ERC2: variants seen among roughly 807,000 people sequenced by gnomAD.
ERC2 encodes the protein ERC protein 2.
A neutral mutation model predicts 114.8 loss-of-function variants in ERC2; 42 were observed. The ratio of observed to expected loss-of-function variants is 0.37; its 90% CI spans 0.29 to 0.47. The LOEUF (loss-of-function observed/expected upper bound fraction) is 0.47, where lower values mean the gene tolerates loss of function less well. ERC2 is among the 20% of genes least tolerant of loss of function. The pLI, the probability that ERC2 is intolerant of heterozygous loss-of-function variation, is 0.99. For synonymous variants in ERC2, 454 were observed against 425.5 expected (o/e 1.07, Z -0.82); for missense variants, 939 against 1,150.7 (o/e 0.82, Z 2.66).
At chr3:56,055,716 C>A (rs1175875491) in intron 7 of ERC2, among the ~76,000 whole-genome samples, 1 of 152,214 alleles carries the variant, frequency 6.6e-6, no homozygotes, top group Non-Finnish European at 1.5e-5. Context: ...ATTAGTACAA[C>A]ACAGCTGCAG....
At chr3:56,207,079 A>G (rs895691013) in intron 3 of ERC2, among the ~76,000 whole-genome samples, 1 of 152,228 alleles carries the variant, frequency 6.6e-6, no homozygotes, top group African/African-American at 2.4e-5. Context: ...TAGGAAGATT[A>G]TCATTAGTTG....
chr3:56,313,527 G>A (rs889637293), intron 2 of ERC2, among the ~76,000 whole-genome samples: 1 of 152,144 alleles, frequency 6.6e-6, no homozygotes, highest in Non-Finnish European at 1.5e-5. Context: ...AACTTGGCCT[G>A]TCTTGAGCCA....
intron 2 of ERC2, among the ~76,000 whole-genome samples, chr3:56,375,553 C>T (rs886877691): frequency 5.9e-5 from 9 of 152,152 alleles, no homozygotes; most frequent in Non-Finnish European, 1.3e-4. Flanking sequence ...GGTTCCTGCC[C>T]TCATTGGGTT....
chr3:55,590,217 G>C (rs1247496656), intron 17 of ERC2, among the ~76,000 whole-genome samples: 1 of 152,158 alleles, frequency 6.6e-6, no homozygotes, highest in Non-Finnish European at 1.5e-5. Flanking sequence ...GCCCTGTGTG[G>C]CACATTGGGA....
chr3:55,706,422 G>C (rs2148842868), intron 15 of ERC2, among the ~76,000 whole-genome samples: 1 of 152,056 alleles, frequency 6.6e-6, no homozygotes, highest in African/African-American at 2.4e-5. Flanking sequence ...TTTTGAGACA[G>C]AGTCTTGCCT....
At chr3:56,315,457 C>A (rs184863738) in intron 2 of ERC2, among the ~76,000 whole-genome samples, 8 of 152,230 alleles carry the variant, frequency 5.3e-5, no homozygotes, top group Non-Finnish European at 1.2e-4. Context: ...CTCTTGATAC[C>A]AATCTTGAGT....
intron 3 of ERC2, among the ~76,000 whole-genome samples, chr3:56,234,967 G>C (rs527922508): frequency 6.6e-6 from 1 of 152,286 alleles, no homozygotes; most frequent in East Asian, 1.9e-4. Flanking sequence ...TATTAAGATA[G>C]AGTGGTTTCA....
chr3:56,400,984 C>A (rs2060497788), intron 2 of ERC2, among the ~76,000 whole-genome samples: 1 of 152,106 alleles, frequency 6.6e-6, no homozygotes, highest in Non-Finnish European at 1.5e-5. Flanking sequence ...CTTGTAACAC[C>A]CTCTCTGGTT....
chr3:56,313,037 T>TATATATATATATA (rs2056680454), intron 2 of ERC2, among the ~76,000 whole-genome samples: 2 of 130,236 alleles, frequency 1.5e-5, no homozygotes, highest in African/African-American at 2.8e-5. Flanking sequence ...TATATATATA[T>TATATATATATATA]GGGGTGGGAG....
chr3:56,150,852 T>C (rs1456631395), intron 4 of ERC2, among the ~76,000 whole-genome samples: 1 of 152,150 alleles, frequency 6.6e-6, no homozygotes, highest in Non-Finnish European at 1.5e-5. Context: ...TGATGGTATT[T>C]GGAGATGGGG....
In ERC2 at chr3:55,871,139, G is replaced by T. The variant is rs12631182; in HGVS notation, c.2564+17250C>A. Among the ~76,000 whole-genome samples the T allele has an allele frequency of 4.9e-3, 740 of 152,282 alleles. 7 individuals carry two copies. The highest frequency in any genetic ancestry group is 0.013 in the East Asian group (65 of 5,170). ...AATCACCAAAGTGGTGTCAAAGTTG[G>T]ATGTACAATAGACATTCAAATAATC... is the stretch of plus-strand genomic sequence containing the variant. On this transcript the variant is annotated intron_variant, in intron 14 of 17. Transcript: ENST00000288221.
chr3:56,459,649 C>T (rs747830485), intron 1 of ERC2, among the ~76,000 whole-genome samples: 6 of 152,236 alleles, frequency 3.9e-5, no homozygotes, highest in South Asian at 4.2e-4. Context: ...ATGAACATTG[C>T]GGCTGGCCTT....
intron 3 of ERC2, among the ~76,000 whole-genome samples, chr3:56,246,963 G>C (rs777922851): frequency 3.3e-5 from 5 of 152,234 alleles, no homozygotes; most frequent in Non-Finnish European, 7.3e-5. Context: ...GCCATCTGGT[G>C]CCTACAGGAT....
At chr3:56,003,977 A>T (rs540926401) in intron 10 of ERC2, among the ~76,000 whole-genome samples, 13 of 152,148 alleles carry the variant, frequency 8.5e-5, no homozygotes, top group Admixed American at 7.2e-4. Context: ...TACAGGGTGA[A>T]ATATTGTAGA....
chr3:55,875,969 C>G (rs72879146), intron 14 of ERC2, among the ~76,000 whole-genome samples: 4,872 of 151,864 alleles, frequency 0.032, 270 homozygotes, highest in African/African-American at 0.11. Flanking sequence ...AGAAACAGGA[C>G]ATGGAGTGGA....
chr3:55,827,935 G>A (rs907374812), intron 14 of ERC2, among the ~76,000 whole-genome samples: 4 of 152,246 alleles, frequency 2.6e-5, no homozygotes, highest in African/African-American at 9.6e-5. Flanking sequence ...ACGTTGAGAA[G>A]CCAGACAACA....
chr3:56,011,606 A>AACACAC (rs3076645), intron 8 of ERC2, among the ~76,000 whole-genome samples: 199 of 148,704 alleles, frequency 1.3e-3, no homozygotes, highest in African/African-American at 4.7e-3. Flanking sequence ...AAGAAACTTA[A>AACACAC]ACACACACAC....
At position 56,244,205 on chromosome 3, in the gene ERC2, C is replaced by G. The variant is rs550628765; in HGVS notation, c.1074+51814G>C. Among the ~76,000 whole-genome samples, 4 of 152,172 alleles carry G rather than the reference C, an allele frequency of 2.6e-5. No individual in the cohort carries two copies. In the South Asian group the frequency reaches 8.3e-4, roughly 32 times the overall value. On this transcript the variant is annotated intron_variant, in intron 3 of 17. Coordinates refer to ENST00000288221, the MANE Select transcript of ERC2 (RefSeq NM_015576.3). ...TCATCGCCTTCGTGAAACAGCAGCA[C>G]GAGGCATTACTCATGTTTGTGGTGC...
chr3:56,035,151 C>T (rs1348085393), intron 7 of ERC2, among the ~76,000 whole-genome samples: 1 of 151,966 alleles, frequency 6.6e-6, no homozygotes, highest in Non-Finnish European at 1.5e-5. Flanking sequence ...ACAACTGACA[C>T]CACAGAAATA....
Sources: gnomAD v4.1 joint callset for allele counts (sites outside exome capture counted in the v4.1 genomes callset) on GRCh38, gnomAD v4.1.1 for gene constraint, MANE v1.5 for transcripts, NCBI Gene and HGNC (gene_info 2026-07-23, HGNC 2026-07-21) for gene names.